Variants in SAMD12 observed in about 807,000 individuals in gnomAD.
SAMD12 encodes the protein sterile alpha motif domain containing 12, also known as sterile alpha motif domain-containing protein 12.
Under a neutral mutation model 15.0 loss-of-function variants are expected in SAMD12, and 9 were observed. That is an observed-to-expected ratio of 0.60 (90% CI 0.36 to 1.05). SAMD12 has a LOEUF of 1.05. SAMD12 is among the 50% of genes least tolerant of loss of function. The pLI is 0.01. For synonymous variants in SAMD12, 86 were observed against 90.1 expected (o/e 0.96, Z 0.25); for missense variants, 230 against 234.2 (o/e 0.98, Z 0.12).
chr8:118,301,110 A>G (rs1371617076), intron 4 of SAMD12, among the ~76,000 whole-genome samples: 3 of 152,218 alleles, frequency 2.0e-5, no homozygotes, highest in Non-Finnish European at 4.4e-5. Context: ...GCAGGATTAT[A>G]TAGACTAAGA....
chr8:118,532,616 G>T (rs563598909), intron 2 of SAMD12, among the ~76,000 whole-genome samples: 10 of 152,096 alleles, frequency 6.6e-5, no homozygotes, highest in Non-Finnish European at 1.3e-4. Context: ...CAATTTCAGA[G>T]CCTGTTATTG....
At chr8:118,267,462 C>G (rs1422082321) in intron 4 of SAMD12, among the ~76,000 whole-genome samples, 1 of 152,060 alleles carries the variant, frequency 6.6e-6, no homozygotes, top group Non-Finnish European at 1.5e-5. Flanking sequence ...CATTCCCAAG[C>G]TGGGGTACAT....
intron 4 of SAMD12, among the ~76,000 whole-genome samples, chr8:118,254,360 C>A (rs543626889): frequency 6.6e-6 from 1 of 152,040 alleles, no homozygotes; most frequent in Non-Finnish European, 1.5e-5. Context: ...TTCCCAATAG[C>A]CTTTATCAGT....
chr8:118,428,607 G>A (rs1407189099), intron 3 of SAMD12, among the ~76,000 whole-genome samples: 2 of 151,916 alleles, frequency 1.3e-5, no homozygotes, highest in Non-Finnish European at 2.9e-5. Context: ...TAAATGTTGT[G>A]TATAGTGTGA....
At chr8:118,167,331 C>T in the SAMD12 span, among the ~76,000 whole-genome samples, 3 of 152,056 alleles carry the variant, frequency 2.0e-5, no homozygotes, top group African/African-American at 4.8e-5. Flanking sequence ...CTCCAGGAGG[C>T]TGACTTGTAA....
chr8:118,472,103 C>T (rs923288545), intron 2 of SAMD12, among the ~76,000 whole-genome samples: 5 of 151,794 alleles, frequency 3.3e-5, no homozygotes, highest in African/African-American at 4.8e-5. Flanking sequence ...CTGGCTAACA[C>T]GGTGAAACCC....
intron 3 of SAMD12, among the ~76,000 whole-genome samples, chr8:118,385,840 A>G (rs1440658628): frequency 1.3e-5 from 2 of 152,246 alleles, no homozygotes; most frequent in Non-Finnish European, 2.9e-5. Flanking sequence ...AAAAGATGTA[A>G]AAGACTTGAT....
chr8:118,375,736 TATACTC>T (rs1322083862), downstream of SAMD12: 6 of 152,290 alleles, frequency 3.9e-5, no homozygotes, highest in Non-Finnish European at 2.9e-5. Flanking sequence ...AAATAGTTAA[TATACTC>T]ATACATTTCA....
the SAMD12 span, among the ~76,000 whole-genome samples, chr8:118,140,162 A>G: frequency 7.9e-5 from 12 of 152,260 alleles, no homozygotes; most frequent in South Asian, 1.0e-3. Flanking sequence ...AAGGATAAAC[A>G]ATAATTGAAA....
intron 3 of SAMD12, among the ~76,000 whole-genome samples, chr8:118,418,563 C>CA (rs1439300945): frequency 6.6e-6 from 1 of 151,982 alleles, no homozygotes; most frequent in Non-Finnish European, 1.5e-5. Context: ...ACTAAAAATA[C>CA]AAAAAATTAG....
chr8:118,267,205 C>T (rs1330523324), intron 4 of SAMD12, among the ~76,000 whole-genome samples: 1 of 152,046 alleles, frequency 6.6e-6, no homozygotes, highest in East Asian at 1.9e-4. Flanking sequence ...TTACTCTTCC[C>T]TCCTCCACCT....
intron 2 of SAMD12, among the ~76,000 whole-genome samples, chr8:118,564,523 T>C (rs1343418870): frequency 1.3e-5 from 2 of 152,214 alleles, no homozygotes; most frequent in African/African-American, 4.8e-5. Flanking sequence ...TAGTTCAGAC[T>C]GAAAAGAGCA....
chr8:118,223,532 A>G (rs1812125319), intron 4 of SAMD12, among the ~76,000 whole-genome samples: 1 of 152,206 alleles, frequency 6.6e-6, no homozygotes, highest in Non-Finnish European at 1.5e-5. Context: ...AAAACCAATA[A>G]TCACAGTGAC....
chr8:118,448,840 T>C (rs947370093), intron 2 of SAMD12, among the ~76,000 whole-genome samples: 1 of 152,232 alleles, frequency 6.6e-6, no homozygotes, highest in Admixed American at 6.5e-5. Flanking sequence ...TCACTGAACC[T>C]TTCTAAACGT....
chr8:118,400,944 A>G (rs1820839154), intron 3 of SAMD12, among the ~76,000 whole-genome samples: 1 of 152,234 alleles, frequency 6.6e-6, no homozygotes, highest in Non-Finnish European at 1.5e-5. Context: ...TATTGGTTAA[A>G]TTAAGTCTTC....
At chr8:118,257,600 C>T (rs1207153989) in intron 4 of SAMD12, among the ~76,000 whole-genome samples, 2 of 152,054 alleles carry the variant, frequency 1.3e-5, no homozygotes, top group African/African-American at 2.4e-5. Context: ...TCATTCAATT[C>T]AGGGGACACT....
At chr8:118,312,615 C>A (rs576157850) in intron 4 of SAMD12, among the ~76,000 whole-genome samples, 1 of 152,164 alleles carries the variant, frequency 6.6e-6, no homozygotes, top group Non-Finnish European at 1.5e-5. Flanking sequence ...CCACCATGGC[C>A]ATCTCCAACT....
chr8:118,603,634 C>T (rs970264593), intron 1 of SAMD12, among the ~76,000 whole-genome samples: 7 of 152,102 alleles, frequency 4.6e-5, no homozygotes, highest in Non-Finnish European at 8.8e-5. Context: ...TCCATCAAAA[C>T]CAAGGTGAAA....
intron 2 of SAMD12, among the ~76,000 whole-genome samples, chr8:118,505,746 C>A (rs569246227): frequency 3.3e-5 from 5 of 151,610 alleles, no homozygotes; most frequent in Non-Finnish European, 5.9e-5. Context: ...TAACTATACC[C>A]GATGTAATTC....
Sources: gnomAD v4.1 joint callset for allele counts (sites outside exome capture counted in the v4.1 genomes callset) on GRCh38, gnomAD v4.1.1 for gene constraint, MANE v1.5 for transcripts, NCBI Gene and HGNC (gene_info 2026-07-23, HGNC 2026-07-21) for gene names.